LTF: variants seen among roughly 807,000 people sequenced by gnomAD.
LTF encodes lactotransferrin.
A neutral mutation model predicts 87.2 loss-of-function variants in LTF; 91 were observed. That is an observed-to-expected ratio of 1.04 (90% CI 0.88 to 1.24). LTF has a LOEUF of 1.24. Ranked by LOEUF, LTF falls within the 50% of genes most tolerant of loss-of-function variation. The probability of loss-of-function intolerance (pLI) is 0.00; values close to 1 mark genes in which losing one functional copy is unlikely to be tolerated. For missense variants in LTF, 901 were observed against 904.3 expected (o/e 1.00, Z 0.05); for synonymous variants, 378 against 356.1 (o/e 1.06, Z -0.69).
chr3:46,453,278 G>T (rs886769745), intron 6 of LTF, among the ~76,000 whole-genome samples: 6 of 152,234 alleles, frequency 3.9e-5, no homozygotes, highest in Admixed American at 6.5e-5. Flanking sequence ...ACTATCTATT[G>T]CATTACAACC....
intron 1 of LTF, among the ~76,000 whole-genome samples, chr3:46,478,399 A>G (rs1488383251): frequency 2.6e-5 from 4 of 152,176 alleles, no homozygotes; most frequent in Non-Finnish European, 4.4e-5. Flanking sequence ...ACTTCCCCAG[A>G]GGCTGAAGGT....
rs1351447378 is a variant in LTF at position 46,441,512 on chromosome 3, A to G, written c.1656-29T>C. ...AAATGTTCCAGAAAATATACACATA[A>G]TTACAGAAGAGAAACTAGTGGGGCT... On this transcript the variant is annotated intron_variant, in intron 13 of 16. Transcript: ENST00000231751. 4 of 1,534,932 alleles carry G rather than the reference A, an allele frequency of 2.6e-6. No homozygotes were observed. In the African/African-American group the frequency reaches 4.1e-5, roughly 16 times the overall value.
intron 1 of LTF, chr3:46,463,715 T>C (rs1017039100): frequency 5.4e-6 from 5 of 929,102 alleles, no homozygotes; most frequent in Non-Finnish European, 6.4e-6. Context: ...TTCCTTCCTC[T>C]CCTGCCCCTC....
intron 6 of LTF, among the ~76,000 whole-genome samples, chr3:46,451,326 T>C (rs923333765): frequency 2.6e-5 from 4 of 152,188 alleles, no homozygotes; most frequent in Non-Finnish European, 5.9e-5. Context: ...CGAACATAAA[T>C]GCAAAATTTG....
chr3:46,442,069 T>C lies in LTF; in HGVS notation c.1656-586A>G, dbSNP rs865779325. 3.3e-5 allele frequency among the ~76,000 whole-genome samples: 5 copies of C among 150,682 alleles called. No homozygotes were observed. The Admixed American group carries it at 3.3e-4, about 10-fold the overall frequency. ...GATGTGTTTTTTTAAGTGCAGAAAA[T>C]TAAGCAAATAAGAAAAGACATTTAT... On this transcript the variant is annotated intron_variant, in intron 13 of 16. Transcript: ENST00000231751.
intron 1 of LTF, among the ~76,000 whole-genome samples, chr3:46,482,774 AAAG>A (rs1703466471): frequency 7.1e-6 from 1 of 140,350 alleles, no homozygotes; most frequent in Non-Finnish European, 1.6e-5. Flanking sequence ...AGAAAGAAAG[AAAG>A]AAAAAGAAAG....
upstream of LTF, chr3:46,465,159 G>C (rs1703184530): frequency 2.0e-6 from 1 of 491,662 alleles, no homozygotes; most frequent in Admixed American, 3.9e-5. Context: ...AAGCCCCTAG[G>C]AGTCGCAGCC....
upstream of LTF, among the ~76,000 whole-genome samples, chr3:46,467,828 T>A (rs1308462453): frequency 3.9e-5 from 6 of 151,936 alleles, no homozygotes; most frequent in Admixed American, 3.9e-4. Context: ...GGCTTGGAAC[T>A]CTTGTTGGAA....
intron 1 of LTF, among the ~76,000 whole-genome samples, chr3:46,483,252 C>G (rs1703474925): frequency 6.6e-6 from 1 of 152,200 alleles, no homozygotes; most frequent in South Asian, 2.1e-4. Flanking sequence ...CAGAATGAGC[C>G]AACTCCAGCA....
chr3:46,465,530 C>T (rs1703191989), upstream of LTF, among the ~76,000 whole-genome samples: 1 of 152,312 alleles, frequency 6.6e-6, no homozygotes, highest in African/African-American at 2.4e-5. Flanking sequence ...GAATGGCCAC[C>T]ACCCAAGGCT....
intron 1 of LTF, among the ~76,000 whole-genome samples, chr3:46,473,904 G>C (rs1283974579): frequency 2.6e-5 from 4 of 152,204 alleles, no homozygotes; most frequent in Admixed American, 1.3e-4. Context: ...AGTAGGCTGT[G>C]ATAAATCATG....
intron 6 of LTF, among the ~76,000 whole-genome samples, chr3:46,452,778 T>G (rs569571275): frequency 1.7e-4 from 26 of 152,278 alleles, no homozygotes; most frequent in Non-Finnish European, 3.2e-4. Flanking sequence ...TATACTTTTT[T>G]TATTGTAAGG....
intron 1 of LTF, 79 bp downstream of exon 1, chr3:46,464,746 A>T: frequency 6.5e-7 from 1 of 1,532,172 alleles, no homozygotes; most frequent in Non-Finnish European, 9.0e-7. Context: ...CCAACCGGAC[A>T]CAGGGACCAA....
At chr3:46,472,525 TGTGAGAGA>T (rs1326167298) in intron 1 of LTF, among the ~76,000 whole-genome samples, 9 of 141,266 alleles carry the variant, frequency 6.4e-5, no homozygotes, top group African/African-American at 1.4e-4. Context: ...TGTGTGTGTG[TGTGAGAGA>T]GAGAGAGAGA....
chr3:46,456,200 C>A, intron 3 of LTF, 90 bp downstream of exon 3: 1 of 1,168,984 alleles, frequency 8.6e-7, no homozygotes, highest in Non-Finnish European at 1.3e-6. Flanking sequence ...ACCCAGACTC[C>A]ACCTCCACAT....
intron 1 of LTF, chr3:46,463,394 A>G: frequency 2.2e-6 from 2 of 910,904 alleles, no homozygotes; most frequent in Non-Finnish European, 2.6e-6. Context: ...AAGCAGACAG[A>G]CTCCTCCACC....
chr3:46,465,836 G>A (rs1703200497), upstream of LTF, among the ~76,000 whole-genome samples: 1 of 152,226 alleles, frequency 6.6e-6, no homozygotes, highest in Non-Finnish European at 1.5e-5. Flanking sequence ...TCAGTTGGAA[G>A]CAAACTAAAC....
chr3:46,470,863 G>A (rs1052781453), intron 1 of LTF, among the ~76,000 whole-genome samples: 6 of 152,178 alleles, frequency 3.9e-5, no homozygotes, highest in Admixed American at 6.5e-5. Flanking sequence ...AATATCCACC[G>A]TATGAGGTGG....
intron 1 of LTF, among the ~76,000 whole-genome samples, chr3:46,480,474 A>C (rs558448309): frequency 6.6e-6 from 1 of 152,250 alleles, no homozygotes; most frequent in African/African-American, 2.4e-5. Flanking sequence ...TATTTCATGC[A>C]CGTTGGTTCC....
Sources: allele counts gnomAD v4.1 joint callset (sites outside exome capture counted in the v4.1 genomes callset), GRCh38; gene constraint gnomAD v4.1.1; transcripts MANE v1.5; gene names NCBI Gene and HGNC (gene_info 2026-07-23, HGNC 2026-07-21).